The following SPIRE2 variants were observed in gnomAD, a reference collection of about 807,000 sequenced individuals.
SPIRE2 encodes the protein protein spire homolog 2.
SPIRE2 carries 76 observed loss-of-function variants against 80.7 expected under a neutral mutation model. That is an observed-to-expected ratio of 0.94 (90% CI 0.78 to 1.14). The LOEUF is 1.14. Ranked by LOEUF, SPIRE2 falls within the 50% of genes most tolerant of loss-of-function variation. The pLI is 0.00. For synonymous variants in SPIRE2, 535 were observed against 432.6 expected, an observed-to-expected ratio of 1.24 and a Z score of -2.94; for missense variants, 1,196 against 1,015.3, an observed-to-expected ratio of 1.18 and a Z score of -2.42.
chr16:89,864,175 G>A (rs934083473), intron 12 of SPIRE2, among the ~76,000 whole-genome samples: 1 of 152,064 alleles, frequency 6.6e-6, no homozygotes, highest in African/African-American at 2.4e-5. Context: ...AAACACAACG[G>A]GGCAAGCCTG....
chr16:89,833,465 G>A (rs1182171917), intron 1 of SPIRE2, among the ~76,000 whole-genome samples: 2 of 152,234 alleles, frequency 1.3e-5, no homozygotes, highest in Non-Finnish European at 2.9e-5. Flanking sequence ...CAAATGAGAA[G>A]ACTCAAGTCC....
intron 13 of SPIRE2, 102 bp from the exon 14 acceptor site, chr16:89,869,465 T>A: frequency 1.3e-6 from 1 of 745,118 alleles, no homozygotes; most frequent in Non-Finnish European, 2.4e-6. Context: ...AAGCCCTGGC[T>A]GCCACGCAGG....
intron 7 of SPIRE2, among the ~76,000 whole-genome samples, chr16:89,856,775 T>C (rs1229892151): frequency 9.2e-5 from 14 of 152,006 alleles, no homozygotes; most frequent in African/African-American, 3.4e-4. Flanking sequence ...TAAAAAATGA[T>C]GAGGCTGGGC....
At position 89,850,192 on chromosome 16, in the gene SPIRE2, C is replaced by A. The variant is rs12598316; in HGVS notation, c.289-112C>A. ...GCTTGTGCCTTGGTCTCTTGTGGACCGACAGCTGCTGTCTCCCTGGCCGGG... is the reference window on the plus strand; with the variant it reads ...GCTTGTGCCTTGGTCTCTTGTGGACAGACAGCTGCTGTCTCCCTGGCCGGG... On this transcript the variant is annotated intron_variant, in intron 2 of 14. Coordinates refer to ENST00000378247, the MANE Select transcript of SPIRE2 (RefSeq NM_032451.2). 0.073 allele frequency: 63,947 copies of A among 880,666 alleles called. 2,987 individuals are homozygous for A. Among genetic ancestry groups the A allele is most frequent in the East Asian group, 0.15 (5,693 of 37,988 alleles). 54.6% of individuals were successfully genotyped at this position (880,666 alleles called of 1,614,324 possible). A position where few individuals can be genotyped will look rare whatever the true frequency, so the allele number is the denominator to read the frequency against.
At chr16:89,851,577 G>A (rs1186865580) in intron 3 of SPIRE2, among the ~76,000 whole-genome samples, 1 of 152,170 alleles carries the variant, frequency 6.6e-6, no homozygotes, top group Non-Finnish European at 1.5e-5. Context: ...CCAAGCCGGA[G>A]CTCTCCCCTG....
At position 89,868,230 on chromosome 16, in the gene SPIRE2, G is replaced by T. The variant is rs200997404; in HGVS notation, c.1806+14G>T. Reference sequence around the variant, plus strand: ...TGTAGCATAAAGGTGAGGACCATGTGGGATCTCTGGGGTCTGAGCAAGGCA... The same window carrying T: ...TGTAGCATAAAGGTGAGGACCATGTTGGATCTCTGGGGTCTGAGCAAGGCA... On this transcript the variant is annotated intron_variant, in intron 13 of 14. Coordinates refer to ENST00000378247, the MANE Select transcript of SPIRE2 (RefSeq NM_032451.2). 6.2e-7 allele frequency: 1 copy of T among 1,613,932 alleles called. No individual in the cohort carries two copies. The highest frequency in any genetic ancestry group is 8.5e-7 in the Non-Finnish European group (1 of 1,179,876).
At chr16:89,841,233 T>C (rs1345899396) in intron 1 of SPIRE2, among the ~76,000 whole-genome samples, 1 of 151,788 alleles carries the variant, frequency 6.6e-6, no homozygotes, top group Non-Finnish European at 1.5e-5. Flanking sequence ...TCTTCTCTCA[T>C]TGAGGCTGTG....
intron 14 of SPIRE2, 148 bp downstream of exon 14, chr16:89,869,830 G>T: frequency 1.4e-6 from 1 of 737,668 alleles, no homozygotes. Flanking sequence ...TCGTTGTGTA[G>T]GGCTCTGGGA....
At chr16:89,868,106 C>A (rs890943450) in intron 12 of SPIRE2, 83 bp from the exon 13 acceptor site, 3 of 1,472,350 alleles carry the variant, frequency 2.0e-6, no homozygotes, top group Admixed American at 3.3e-5. Flanking sequence ...ACCTCGGATG[C>A]GTGGAGGCCG....
chr16:89,854,131 C>T (rs1192110488), intron 3 of SPIRE2, among the ~76,000 whole-genome samples, 155 bp from the exon 4 acceptor site: 1 of 152,280 alleles, frequency 6.6e-6, no homozygotes, highest in African/African-American at 2.4e-5. Flanking sequence ...GATACCTTTT[C>T]GAGTCCTATG....
At chr16:89,837,214 C>T (rs2041458769) in intron 1 of SPIRE2, among the ~76,000 whole-genome samples, 1 of 152,192 alleles carries the variant, frequency 6.6e-6, no homozygotes, top group Admixed American at 6.5e-5. Context: ...CCAGGTCAGC[C>T]TGAGAATCTG....
chr16:89,834,790 A>G (rs372637776), intron 1 of SPIRE2, among the ~76,000 whole-genome samples: 88 of 72,144 alleles, frequency 1.2e-3, no homozygotes, highest in East Asian at 6.8e-3. Context: ...AGCATAGCCC[A>G]TGTGAATCTG....
intron 1 of SPIRE2, among the ~76,000 whole-genome samples, chr16:89,838,134 G>T (rs927668573): frequency 2.1e-4 from 32 of 150,620 alleles, no homozygotes; most frequent in African/African-American, 7.1e-4. Context: ...AGAGTAACTG[G>T]GACCACAGGC....
rs71137685 is a variant in SPIRE2, at chr16:89,867,587, A to ATT, written c.1779-588_1779-587dup. 3.3e-3 allele frequency among the ~76,000 whole-genome samples: 457 copies of ATT among 139,590 alleles called. 4 individuals are homozygous for ATT. The highest frequency in any genetic ancestry group is 9.6e-3 in the African/African-American group (365 of 37,844). 91.6% of individuals were successfully genotyped at this position (139,590 alleles called of 152,430 possible). On this transcript the variant is annotated intron_variant, in intron 12 of 14. Coordinates refer to ENST00000378247, the MANE Select transcript of SPIRE2 (RefSeq NM_032451.2). Reference sequence around the variant, plus strand: ...CTGCTTAAGAGGGACTTTTACCACCATTTTTTTTTTTTTTTGAGACAGAGT... The same window carrying ATT: ...CTGCTTAAGAGGGACTTTTACCACCATTTTTTTTTTTTTTTTTGAGACAGAGT...
rs570158000 is a variant in SPIRE2 at position 89,838,444 on chromosome 16, A to G, written c.245-6878A>G. ...GGTGATCGGCCTGCCTCGGCCTCCC[A>G]AAGTGCTGGGATTACAGGCGTGAGC... On this transcript the variant is annotated intron_variant, in intron 1 of 14. Coordinates refer to ENST00000378247, the MANE Select transcript of SPIRE2 (RefSeq NM_032451.2). 1.6e-3 allele frequency among the ~76,000 whole-genome samples: 240 copies of G among 152,056 alleles called. 2 individuals are homozygous for G. Among genetic ancestry groups the G allele is most frequent in the African/African-American group, 5.4e-3 (223 of 41,490 alleles).
At chr16:89,869,062 A>ATG (rs2041815868) in intron 13 of SPIRE2, among the ~76,000 whole-genome samples, 2 of 83,376 alleles carry the variant, frequency 2.4e-5, no homozygotes, top group African/African-American at 1.0e-4. Flanking sequence ...AAATATATAT[A>ATG]TATATATATA....
At chr16:89,859,882 A>G (rs1217694663) in intron 9 of SPIRE2, among the ~76,000 whole-genome samples, 2 of 152,190 alleles carry the variant, frequency 1.3e-5, no homozygotes, top group African/African-American at 2.4e-5. Context: ...CCACCACCAC[A>G]TCCCAGCAGG....
chr16:89,834,386 C>T (rs1323194287), intron 1 of SPIRE2, among the ~76,000 whole-genome samples: 3 of 137,530 alleles, frequency 2.2e-5, no homozygotes, highest in Non-Finnish European at 4.9e-5. Flanking sequence ...CCTGGATAAG[C>T]ATAGCCCGTG....
intron 1 of SPIRE2, among the ~76,000 whole-genome samples, chr16:89,832,465 G>T (rs1229119234): frequency 6.6e-6 from 1 of 152,198 alleles, no homozygotes; most frequent in Non-Finnish European, 1.5e-5. Flanking sequence ...TGCTCCCAGA[G>T]GAGATAATAT....
Sources: gnomAD v4.1 joint callset for allele counts (sites outside exome capture counted in the v4.1 genomes callset) on GRCh38, gnomAD v4.1.1 for gene constraint, MANE v1.5 for transcripts, NCBI Gene and HGNC (gene_info 2026-07-23, HGNC 2026-07-21) for gene names.